Variants in ETS2 observed in about 807,000 individuals in gnomAD.
ETS2 encodes the protein ETS proto-oncogene 2, transcription factor, also known as protein C-ets-2.
In ETS2, 19 loss-of-function variants were observed where a neutral mutation model predicts 54.9. That is an observed-to-expected ratio of 0.35 (90% CI 0.24 to 0.51). The LOEUF is 0.51. Ranked by LOEUF, ETS2 falls within the 20% of genes least tolerant of loss-of-function variation. ETS2 has a pLI of 0.97. For missense variants in ETS2, 417 were observed against 593.0 expected, an observed-to-expected ratio of 0.70 and a Z score of 3.08; for synonymous variants, 219 against 229.3, an observed-to-expected ratio of 0.95 and a Z score of 0.41.
chr21:38,812,048 C>T (rs1043763725), intron 2 of ETS2, among the ~76,000 whole-genome samples: 14 of 152,166 alleles, frequency 9.2e-5, no homozygotes, highest in Non-Finnish European at 1.8e-4. Context: ...TTTTAAGACA[C>T]TTTACTTGTT....
Position 38,818,449 on chromosome 21 carries a change from A to T in ETS2, c.614A>T (p.Tyr205Phe), listed in dbSNP as rs763874169. The change falls in exon 7 of 10, where the codon TAT becomes TTT. Residue 205 changes from tyrosine to phenylalanine, a missense_variant. By Grantham distance (22) the Tyr-to-Phe change is conservative. Around this residue, in one of 3 missense-constraint regions of ETS2, gnomAD observed 326 missense variants for 426.1 expected, o/e 0.76. Coordinates refer to ENST00000360938, the MANE Select transcript of ETS2 (RefSeq NM_005239.6). ...TLGFGTEQAPYGMQTQNYPKG... is the reference protein window; with the variant it reads ...TLGFGTEQAPFGMQTQNYPKG... ...GGTTTTGGCACAGAGCAGGCGCCCT[A>T]TGGAATGCAGACACAGAATTACCCC... is the stretch of plus-strand genomic sequence containing the variant. 13 of 1,613,996 alleles carry T rather than the reference A, an allele frequency of 8.1e-6. No individual in the cohort carries two copies. Among genetic ancestry groups the T allele is most frequent in the Non-Finnish European group, 1.0e-5 (12 of 1,180,020 alleles).
At position 38,805,987 on chromosome 21, in the gene ETS2, C is replaced by G. The variant is rs1247410463; in HGVS notation, c.-134C>G. On this transcript the variant is annotated 5_prime_UTR_variant, in exon 1 of 10. Transcript: ENST00000360938. The surrounding 1 kb of genome is among the most constrained non-coding windows in gnomAD (Gnocchi z 5.2). ...TCGCTCCAGCTCAGAGCTCCCGGAG[C>G]CGCCCGGCCAGCGTCCGGCCTCCCT... 1.6e-6 allele frequency: 2 copies of G among 1,264,296 alleles called. No individual in the cohort carries two copies. The highest frequency in any genetic ancestry group is 3.2e-5 in the African/African-American group (2 of 62,478). 78.3% of individuals were successfully genotyped at this position (1,264,296 alleles called of 1,614,324 possible).
chr21:38,811,344 G>C (rs772600584), intron 2 of ETS2, among the ~76,000 whole-genome samples: 1 of 152,200 alleles, frequency 6.6e-6, no homozygotes, highest in African/African-American at 2.4e-5. Flanking sequence ...TTGCCTGATT[G>C]ATCGGTTTTC....
Position 38,818,532 on chromosome 21 carries a change from G to C in ETS2, c.697G>C (p.Glu233Gln), listed in dbSNP as rs539828835. Residue 233 changes from glutamate (E) to glutamine (Q), a missense_variant, in exon 7 of 10, where the codon GAG becomes CAG. Coordinates refer to ENST00000360938, the MANE Select transcript of ETS2 (RefSeq NM_005239.6). The part of the protein sequence containing the change: ...PASTPSVLSS[E>Q]QEFQMFPKSR... ...CTCCACACCCAGCGTACTCAGCTCTGAGCAGGAGTTTCAGATGTTCCCCAA... is the reference window on the plus strand; with the variant it reads ...CTCCACACCCAGCGTACTCAGCTCTCAGCAGGAGTTTCAGATGTTCCCCAA... The C allele has an allele frequency of 5.6e-6, 9 of 1,614,184 alleles. No individual in the cohort carries two copies. The East Asian group carries it at 1.8e-4, about 32-fold the overall frequency.
intron 2 of ETS2, among the ~76,000 whole-genome samples, chr21:38,811,640 T>C (rs2060914278): frequency 6.6e-6 from 1 of 152,232 alleles, no homozygotes; most frequent in African/African-American, 2.4e-5. Flanking sequence ...CCAGATATTA[T>C]CGGTTACTTT....
chr21:38,812,345 G>T (rs1163094231), intron 2 of ETS2, among the ~76,000 whole-genome samples: 6 of 152,264 alleles, frequency 3.9e-5, no homozygotes, highest in African/African-American at 1.4e-4. Flanking sequence ...TCAGGTGTTT[G>T]GTAAAGGGGT....
chr21:38,812,658 G>A (rs938627259), intron 2 of ETS2, among the ~76,000 whole-genome samples: 4 of 152,274 alleles, frequency 2.6e-5, no homozygotes, highest in East Asian at 3.9e-4. Context: ...GTGGGCGCCT[G>A]TAGTCCCAGC....
rs1005910237 is a variant in ETS2 at position 38,806,099 on chromosome 21, C to T, written c.-22C>T. ...AGCAGCCACCGTCCCGACCAAGCGC[C>T]GGCCCTGCCCGCAGCGGCAGGGTAA... is the stretch of plus-strand genomic sequence containing the variant. On this transcript the variant is annotated 5_prime_UTR_variant, in exon 1 of 10. Transcript: ENST00000360938. The surrounding 1 kb of genome is among the most constrained non-coding windows in gnomAD (Gnocchi z 4.3). The T allele has an allele frequency of 2.8e-6, 3 of 1,062,806 alleles. No individual in the cohort carries two copies. Among genetic ancestry groups the T allele is most frequent in the South Asian group, 2.5e-5 (1 of 39,312 alleles). The allele number at this position is 1,062,806 out of a possible 1,614,324, so 65.8% of individuals were successfully genotyped here.
chr21:38,805,303 T>C, upstream of ETS2: 1 of 1,243,366 alleles, frequency 8.0e-7, no homozygotes, highest in Non-Finnish European at 1.0e-6. This position sits in a 1 kb window ranked among gnomAD's most constrained non-coding sequence, Gnocchi z 5.2. Flanking sequence ...AGCCTTTTTG[T>C]GATAGAATGA....
In ETS2 at chr21:38,814,662, C is replaced by A. The variant is rs531855808; in HGVS notation, c.305-119C>A. On this transcript the variant is annotated intron_variant, in intron 4 of 9. Transcript: ENST00000360938. The surrounding 1 kb of genome is among the most constrained non-coding windows in gnomAD (Gnocchi z 4.2). ...GGTGACGTGTCATCATGGTATCTTG[C>A]TCATTCGTGGGTTCTGGTGTATGTC... 7 of 938,726 alleles carry A rather than the reference C, an allele frequency of 7.5e-6. No individual in the cohort carries two copies. The Admixed American group carries it at 8.7e-5, about 12-fold the overall frequency. 58.1% of individuals were successfully genotyped at this position (938,726 alleles called of 1,614,324 possible). A position where few individuals can be genotyped will look rare whatever the true frequency, so the allele number is the denominator to read the frequency against.
At position 38,821,462 on chromosome 21, in the gene ETS2, G is replaced by A. The variant is rs1331521571; in HGVS notation, c.1076-124G>A. ...TGAGTGCCACCCTGAGTGTAACATC[G>A]GAACCCCATTCAGAGAGTTGGGTCT... On this transcript the variant is annotated intron_variant, in intron 8 of 9. Transcript: ENST00000360938. This position sits in a 1 kb window ranked among gnomAD's most constrained non-coding sequence, Gnocchi z 4.2. 6 of 758,656 alleles carry A rather than the reference G, an allele frequency of 7.9e-6. No homozygotes were observed. Among genetic ancestry groups the A allele is most frequent in the Admixed American group, 1.9e-5 (1 of 52,912 alleles). The allele number at this position is 758,656 out of a possible 1,614,324, so 47.0% of individuals were successfully genotyped here.
In ETS2 at chr21:38,822,853, C is replaced by A; in HGVS notation, c.1374C>A (p.His458Gln). 1.2e-6 allele frequency: 2 copies of A among 1,602,568 alleles called. No homozygotes were observed. The highest frequency in any genetic ancestry group is 2.2e-5 in the East Asian group (1 of 44,572). The change falls in exon 10 of 10, where the codon CAC becomes CAA. Residue 458 changes from histidine (H) to glutamine (Q), a missense_variant. By Grantham distance (24) the His-to-Gln change is conservative. Coordinates refer to ENST00000360938, the MANE Select transcript of ETS2 (RefSeq NM_005239.6). ...NLLGFTPEELHAILGVQPDTE... is the reference protein window; with the variant it reads ...NLLGFTPEELQAILGVQPDTE... ...TGGGGTTCACGCCCGAGGAACTGCA[C>A]GCCATCCTGGGCGTCCAGCCCGACA... is the stretch of plus-strand genomic sequence containing the variant.
chr21:38,818,056 T>C (rs2060942299), intron 6 of ETS2, among the ~76,000 whole-genome samples: 1 of 151,684 alleles, frequency 6.6e-6, no homozygotes, highest in African/African-American at 2.4e-5. Context: ...GGCCTGGTTC[T>C]GCCCTTATGA....
chr21:38,818,476 A>G lies in ETS2; in HGVS notation c.641A>G (p.Lys214Arg), dbSNP rs552586832. Reference protein sequence around the residue: ...PYGMQTQNYPKGGLLDSMCPA... With the variant: ...PYGMQTQNYPRGGLLDSMCPA... ...GGAATGCAGACACAGAATTACCCCA[A>G]AGGCGGCCTCCTGGACAGCATGTGT... The change falls in exon 7 of 10, where the codon AAA becomes AGA. Residue 214 changes from lysine to arginine, a missense_variant. Lys to Arg is a conservative substitution (Grantham distance 26). This residue lies in a region of ETS2 where 326 missense variants were observed against 426.1 expected (regional missense o/e 0.76). Transcript: ENST00000360938. The G allele has an allele frequency of 2.0e-5, 33 of 1,614,140 alleles. No individual in the cohort carries two copies. In the East Asian group the frequency reaches 6.9e-4, roughly 34 times the overall value.
Position 38,813,185 on chromosome 21 carries a change from A to G in ETS2, c.184+71A>G, listed in dbSNP as rs1411115378. 8 of 940,044 alleles carry G rather than the reference A, an allele frequency of 8.5e-6. No homozygotes were observed. The African/African-American group carries it at 1.1e-4, about 13-fold the overall frequency. 58.2% of individuals were successfully genotyped at this position (940,044 alleles called of 1,614,324 possible). A position where few individuals can be genotyped will look rare whatever the true frequency, so the allele number is the denominator to read the frequency against. ...GTAGTTCAGTTAATAAAGAGATGAC[A>G]GTTCCTAAGTGAGAAATGTTGGTAT... On this transcript the variant is annotated intron_variant, in intron 3 of 9. Transcript: ENST00000360938.
At position 38,806,003 on chromosome 21, in the gene ETS2, C is replaced by T. The variant is rs2060890748; in HGVS notation, c.-118C>T. ...CTCCCGGAGCCGCCCGGCCAGCGTCCGGCCTCCCTGATCGTCTCTGGCCGG... is the reference window on the plus strand; with the variant it reads ...CTCCCGGAGCCGCCCGGCCAGCGTCTGGCCTCCCTGATCGTCTCTGGCCGG... On this transcript the variant is annotated 5_prime_UTR_variant, in exon 1 of 10. Coordinates refer to ENST00000360938, the MANE Select transcript of ETS2 (RefSeq NM_005239.6). This position sits in a 1 kb window ranked among gnomAD's most constrained non-coding sequence, Gnocchi z 4.3. The T allele has an allele frequency of 1.6e-6, 2 of 1,262,708 alleles. No individual in the cohort carries two copies. Among genetic ancestry groups the T allele is most frequent in the Non-Finnish European group, 2.0e-6 (2 of 978,626 alleles). The allele number at this position is 1,262,708 out of a possible 1,614,324, so 78.2% of individuals were successfully genotyped here.
At chr21:38,819,464 C>T (rs764523383) in intron 7 of ETS2, 39 bp from the exon 8 acceptor site, 8 of 1,604,786 alleles carry the variant, frequency 5.0e-6, no homozygotes, top group Middle Eastern at 3.3e-4. Flanking sequence ...CAACTGTGTC[C>T]TGGAGGAATC....
chr21:38,815,854 C>T (rs2123416659), intron 5 of ETS2, among the ~76,000 whole-genome samples: 1 of 149,404 alleles, frequency 6.7e-6, no homozygotes, highest in South Asian at 2.2e-4. Flanking sequence ...GCAGGAGAAT[C>T]CCTTGAGCCC....
In ETS2 at chr21:38,814,260, G is replaced by C. The variant is rs765764651; in HGVS notation, c.185-13G>C. ...TTGAAGTCCTAATGTCCCCATGGGG[G>C]GTTTCCTTCCAGACTCCGCCAACTG... On this transcript the variant is annotated splice_polypyrimidine_tract_variant and intron_variant, in intron 3 of 9. Transcript: ENST00000360938. The surrounding 1 kb of genome is among the most constrained non-coding windows in gnomAD (Gnocchi z 4.2). 6.2e-7 allele frequency: 1 copy of C among 1,613,730 alleles called. No individual in the cohort carries two copies. Among genetic ancestry groups the C allele is most frequent in the Non-Finnish European group, 8.5e-7 (1 of 1,179,808 alleles).
Sources: allele counts gnomAD v4.1 joint callset (sites outside exome capture counted in the v4.1 genomes callset), GRCh38; gene constraint gnomAD v4.1.1; regional missense constraint gnomAD v4.1.1; non-coding constraint Gnocchi (gnomAD v3.1); transcripts MANE v1.5; gene names NCBI Gene and HGNC (gene_info 2026-07-23, HGNC 2026-07-21).